STAG1: variants seen among roughly 807,000 people sequenced by gnomAD.
STAG1 encodes STAG1 cohesin complex component.
Under a neutral mutation model 170.9 loss-of-function variants are expected in STAG1, and 26 were observed. The ratio of observed to expected loss-of-function variants is 0.15; its 90% confidence interval spans 0.11 to 0.21. STAG1 has a LOEUF of 0.21. Among genes scored for constraint, STAG1 ranks in the 10% least tolerant of loss-of-function variants. The probability of loss-of-function intolerance (pLI) is 1.00; values close to 1 mark genes in which losing one functional copy is unlikely to be tolerated. For synonymous variants in STAG1, 514 were observed against 497.7 expected (o/e 1.03, Z -0.44); for missense variants, 964 against 1,509.5 (o/e 0.64, Z 5.99).
intron 1 of STAG1, among the ~76,000 whole-genome samples, chr3:136,674,575 G>A (rs1418311241): frequency 6.6e-6 from 1 of 152,134 alleles, no homozygotes; most frequent in Non-Finnish European, 1.5e-5. Flanking sequence ...ACTGGTGGTG[G>A]TAGTTACAAA....
At chr3:136,349,920 C>T (rs1576378004) in intron 28 of STAG1, among the ~76,000 whole-genome samples, 2 of 152,060 alleles carry the variant, frequency 1.3e-5, no homozygotes, top group Admixed American at 6.6e-5. Context: ...TTTGGGAGGC[C>T]GAGGTGGGCA....
At position 136,642,372 on chromosome 3, in the gene STAG1, T is replaced by A. The variant is rs191664311; in HGVS notation, c.-83-11391A>T. 6.8e-4 allele frequency among the ~76,000 whole-genome samples: 100 copies of A among 147,788 alleles called. 1 individual carries two copies. The highest frequency in any genetic ancestry group is 4.7e-3 in the South Asian group (21 of 4,510). On this transcript the variant is annotated intron_variant, in intron 1 of 33. Transcript: ENST00000383202. Reference sequence around the variant, plus strand: ...CTGCAACCTCCGCCTCCTGGGTTCATGCAATTCTCCTGCCTCAGACTCCCA... The same window carrying A: ...CTGCAACCTCCGCCTCCTGGGTTCAAGCAATTCTCCTGCCTCAGACTCCCA...
At chr3:136,454,538 C>T (rs984324715) in intron 13 of STAG1, among the ~76,000 whole-genome samples, 1 of 151,436 alleles carries the variant, frequency 6.6e-6, no homozygotes, top group Non-Finnish European at 1.5e-5. Flanking sequence ...GCCACCATGC[C>T]AGGCCAATTT....
intron 13 of STAG1, among the ~76,000 whole-genome samples, chr3:136,459,858 G>C (rs966409060): frequency 1.3e-5 from 2 of 152,072 alleles, no homozygotes; most frequent in Non-Finnish European, 2.9e-5. Flanking sequence ...AGCTAAAGCA[G>C]TTCTAAAGGA....
intron 16 of STAG1, among the ~76,000 whole-genome samples, chr3:136,425,729 T>A (rs2088101188): frequency 6.7e-6 from 1 of 149,272 alleles, no homozygotes; most frequent in Non-Finnish European, 1.5e-5. Flanking sequence ...TGTATATATA[T>A]AAACATATAT....
chr3:136,713,826 C>T (rs757114485), intron 1 of STAG1, among the ~76,000 whole-genome samples: 4 of 151,842 alleles, frequency 2.6e-5, no homozygotes, highest in Admixed American at 6.6e-5. Flanking sequence ...AATTTAAGAC[C>T]GCCCTAGCCA....
chr3:136,534,469 A>C (rs1935526513), intron 6 of STAG1, among the ~76,000 whole-genome samples: 1 of 152,204 alleles, frequency 6.6e-6, no homozygotes, highest in Non-Finnish European at 1.5e-5. Flanking sequence ...CAGAGTGAAG[A>C]GACAACCTCT....
chr3:136,343,770 T>C, intron 30 of STAG1, 62 bp downstream of exon 30: 1 of 1,360,766 alleles, frequency 7.3e-7, no homozygotes, highest in Non-Finnish European at 9.9e-7. Context: ...ATAAAGTTTT[T>C]CTTAAATAGT....
intron 1 of STAG1, among the ~76,000 whole-genome samples, chr3:136,675,188 C>G (rs891895152): frequency 6.6e-6 from 1 of 152,230 alleles, no homozygotes; most frequent in African/African-American, 2.4e-5. Flanking sequence ...TTACCACTAT[C>G]TTGTCCCCAG....
chr3:136,493,902 A>C (rs1932926559), intron 9 of STAG1, among the ~76,000 whole-genome samples: 1 of 152,170 alleles, frequency 6.6e-6, no homozygotes, highest in Non-Finnish European at 1.5e-5. Context: ...TATGCCATTA[A>C]ATTTACAATT....
At chr3:136,751,306 G>A (rs1268667014) in intron 1 of STAG1, among the ~76,000 whole-genome samples, 3 of 151,970 alleles carry the variant, frequency 2.0e-5, no homozygotes, top group Non-Finnish European at 4.4e-5. Context: ...TGGGGGTGAC[G>A]TGACAATCCT....
At chr3:136,679,977 GAAAT>G (rs1165552288) in intron 1 of STAG1, among the ~76,000 whole-genome samples, 3 of 152,040 alleles carry the variant, frequency 2.0e-5, no homozygotes, top group African/African-American at 7.2e-5. Context: ...GAAAGAACTA[GAAAT>G]AAAATATATT....
rs142521618 is a variant in STAG1 at position 136,682,207 on chromosome 3, T to C, written c.-83-51226A>G. Among the ~76,000 whole-genome samples, 148 of 151,986 alleles carry C rather than the reference T, an allele frequency of 9.7e-4. 1 individual carries two copies. Among genetic ancestry groups the C allele is most frequent in the African/African-American group, 3.5e-3 (145 of 41,472 alleles). On this transcript the variant is annotated intron_variant, in intron 1 of 33. Transcript: ENST00000383202. ...CAGCACTTTGGGAGGCTGAGGTGGG[T>C]GGATCACCTAAGTTCAAGATCAGCC...
At chr3:136,498,241 C>T (rs1424164879) in intron 9 of STAG1, among the ~76,000 whole-genome samples, 4,706 of 48,206 alleles carry the variant, frequency 0.098, 350 homozygotes, top group African/African-American at 0.17. Flanking sequence ...TATACACATA[C>T]ATATACATAC....
rs1289552983 is a variant in STAG1, at chr3:136,336,932, C to G, written c.*1322G>C. ...CTGTGGATGAATTGGTTTGGAAATT[C>G]TGAGGCTTACTTTAGAAATCAGAAA... is the stretch of plus-strand genomic sequence containing the variant. On this transcript the variant is annotated 3_prime_UTR_variant, in exon 34 of 34. Transcript: ENST00000383202. 2 of 140,794 alleles carry G rather than the reference C, an allele frequency of 1.4e-5. No individual in the cohort carries two copies. Among genetic ancestry groups the G allele is most frequent in the Non-Finnish European group, 1.5e-5 (1 of 65,838 alleles). 8.7% of individuals were successfully genotyped at this position (140,794 alleles called of 1,614,324 possible).
chr3:136,493,455 C>T (rs2107848536), intron 9 of STAG1, among the ~76,000 whole-genome samples: 1 of 151,902 alleles, frequency 6.6e-6, no homozygotes. Context: ...AGGAGTTCAA[C>T]ACGAGCCTGG....
At chr3:136,625,520 T>C (rs561624049) in intron 2 of STAG1, among the ~76,000 whole-genome samples, 3 of 152,332 alleles carry the variant, frequency 2.0e-5, no homozygotes. Context: ...CTCACAGAGA[T>C]ACAATTAATT....
chr3:136,577,261 C>A (rs1937499671), intron 4 of STAG1, among the ~76,000 whole-genome samples: 1 of 152,172 alleles, frequency 6.6e-6, no homozygotes, highest in Admixed American at 6.5e-5. Context: ...AGAGAACTTC[C>A]ATGAAGAATC....
chr3:136,361,841 G>A (rs1168258518), intron 26 of STAG1, among the ~76,000 whole-genome samples: 1 of 151,966 alleles, frequency 6.6e-6, no homozygotes, highest in Non-Finnish European at 1.5e-5. Flanking sequence ...TGAATTCATG[G>A]GCTCAAGCAA....
Sources: gnomAD v4.1 joint callset for allele counts (sites outside exome capture counted in the v4.1 genomes callset) on GRCh38, gnomAD v4.1.1 for gene constraint, MANE v1.5 for transcripts, NCBI Gene and HGNC (gene_info 2026-07-23, HGNC 2026-07-21) for gene names.